CATSPER2: variants seen among roughly 807,000 people sequenced by gnomAD.
The protein encoded by CATSPER2 is cation channel sperm associated 2.
A neutral mutation model predicts 68.8 loss-of-function variants in CATSPER2; 56 were observed. The ratio of observed to expected loss-of-function variants is 0.81; its 90% CI spans 0.66 to 1.02. The LOEUF is 1.02. Ranked by LOEUF, CATSPER2 falls within the 50% of genes least tolerant of loss-of-function variation. CATSPER2 has a pLI of 0.00. For missense variants in CATSPER2, 582 were observed against 642.0 expected, an observed-to-expected ratio of 0.91 and a Z score of 1.01; for synonymous variants, 198 against 229.9, an observed-to-expected ratio of 0.86 and a Z score of 1.26.
chr15:43,645,158 C>T (rs141249576), intron 4 of CATSPER2, among the ~76,000 whole-genome samples: 1,586 of 151,934 alleles, frequency 0.01, 33 homozygotes, highest in African/African-American at 0.036. Flanking sequence ...CAGGCTCAAG[C>T]GATCCTCCCA....
rs769247393 is a variant in CATSPER2, at chr15:43,638,916, T to C, written c.830A>G (p.His277Arg). The C allele has an allele frequency of 6.8e-6, 11 of 1,613,078 alleles. No homozygotes were observed. In the South Asian group the frequency reaches 8.8e-5, roughly 13 times the overall value. The part of the protein sequence containing the change: ...TRSPRQDLEY[H>R]VFFSDLPNSL... ...CAGCTCTGCTTACGAGAAGAACACA[T>C]GGTACTCCAGGTCCTGACGAGGTGA... is the stretch of plus-strand genomic sequence containing the variant. The change falls in exon 7 of 13, where the codon CAT (histidine) becomes CGT (arginine). Residue 277 changes from histidine to arginine, a missense_variant. By Grantham distance (29) the His-to-Arg change is conservative (BLOSUM62 0). This residue lies in a region of CATSPER2 where 91 missense variants were observed against 72.8 expected (regional missense o/e 1.25). Transcript: ENST00000396879.
Position 43,647,937 on chromosome 15 carries a change from T to G in CATSPER2, c.125A>C (p.His42Pro). ...CTGACCAAGTAACTCCCTGATAGTG[T>G]GCCGCGGCACAGCTTGGCTCAAGCC... Reference protein sequence around the residue: ...LQGLSQAVPRHTIRELLDPSR... With the variant: ...LQGLSQAVPRPTIRELLDPSR... Residue 42 changes from histidine (H) to proline (P), a missense_variant, in exon 2 of 13, where the codon CAC becomes CCC. By Grantham distance (77) the His-to-Pro change is moderately conservative (BLOSUM62 -2). This residue lies in a region of CATSPER2 where 197 missense variants were observed against 191.0 expected (regional missense o/e 1.03). Coordinates refer to ENST00000396879, the MANE Select transcript of CATSPER2 (RefSeq NM_172095.4). 6.2e-7 allele frequency: 1 copy of G among 1,613,726 alleles called. No homozygotes were observed. Among genetic ancestry groups the G allele is most frequent in the Non-Finnish European group, 8.5e-7 (1 of 1,179,802 alleles).
At chr15:43,644,878 C>A (rs2086133839) in intron 4 of CATSPER2, among the ~76,000 whole-genome samples, 1 of 151,882 alleles carries the variant, frequency 6.6e-6, no homozygotes, top group Non-Finnish European at 1.5e-5. Flanking sequence ...TAATTCTAGC[C>A]ATGCAAGGCA....
rs538379223 is a variant in CATSPER2 at position 43,631,728 on chromosome 15, C to G, written c.1561+471G>C. On this transcript the variant is annotated intron_variant, in intron 12 of 12. Coordinates refer to ENST00000396879, the MANE Select transcript of CATSPER2 (RefSeq NM_172095.4). The stretch of plus-strand genomic sequence containing the variant: ...TTTAGAATTCATAAACCTCTTTAGG[C>G]AGTTAGGACAGTGAGCACGTGTGGG... 5.8e-4 allele frequency among the ~76,000 whole-genome samples: 88 copies of G among 151,974 alleles called. 2 individuals carry two copies. Among genetic ancestry groups the G allele is most frequent in the African/African-American group, 1.9e-3 (80 of 41,440 alleles).
Position 43,638,882 on chromosome 15 carries a change from A to C in CATSPER2, c.842+22T>G, listed in dbSNP as rs368716853. On this transcript the variant is annotated intron_variant, in intron 7 of 12. Coordinates refer to ENST00000396879, the MANE Select transcript of CATSPER2 (RefSeq NM_172095.4). ...TTAGCCAAATTTTCTCCCCTCACCCAGCTGTCCCCAGCTCTGCTTACGAGA... is the reference window on the plus strand; with the variant it reads ...TTAGCCAAATTTTCTCCCCTCACCCCGCTGTCCCCAGCTCTGCTTACGAGA... The C allele has an allele frequency of 4.3e-6, 7 of 1,612,220 alleles. No individual in the cohort carries two copies. The South Asian group carries it at 5.5e-5, about 13-fold the overall frequency.
At chr15:43,640,130 T>G in intron 5 of CATSPER2, 194 bp downstream of exon 5, 1 of 1,456,424 alleles carries the variant, frequency 6.9e-7, no homozygotes, top group Non-Finnish European at 9.0e-7. Context: ...GCATTGATGT[T>G]GTAGTTAGTC....
intron 4 of CATSPER2, among the ~76,000 whole-genome samples, chr15:43,644,379 T>A (rs566142367): frequency 2.0e-5 from 3 of 152,156 alleles, no homozygotes; most frequent in African/African-American, 7.2e-5. Context: ...TAATTTCTAG[T>A]CTGGCAATCT....
intron 4 of CATSPER2, among the ~76,000 whole-genome samples, chr15:43,641,506 A>T (rs1196707719): frequency 7.1e-6 from 1 of 141,168 alleles, no homozygotes; most frequent in African/African-American, 3.0e-5. Flanking sequence ...GATGTATGCC[A>T]TACCCTTGGA....
chr15:43,647,139 G>A lies in CATSPER2; in HGVS notation c.320-21C>T, dbSNP rs753791775. On this transcript the variant is annotated intron_variant, in intron 3 of 12. Transcript: ENST00000396879. Reference sequence around the variant, plus strand: ...AGGACCTGTTGTCTCTTAAGGAAATGTACAGAGTGGAGTTCTTTCTGATTT... The same window carrying A: ...AGGACCTGTTGTCTCTTAAGGAAATATACAGAGTGGAGTTCTTTCTGATTT... 23 of 1,601,408 alleles carry A rather than the reference G, an allele frequency of 1.4e-5. 2 individuals are homozygous for A. The highest frequency in any genetic ancestry group is 6.7e-5 in the African/African-American group (5 of 74,570).
rs750095453 is a variant in CATSPER2 at position 43,639,800 on chromosome 15, T to C, written c.562-2A>G. On this transcript the variant is annotated splice_acceptor_variant, in intron 5 of 12. Transcript: ENST00000396879. LOFTEE classifies it high-confidence loss of function. Reference sequence around the variant, plus strand: ...TACCACAACCTCGGGAAGCAGGGACTGTGGAAAACACACAGGTTATAAGTA... The same window carrying C: ...TACCACAACCTCGGGAAGCAGGGACCGTGGAAAACACACAGGTTATAAGTA... The C allele has an allele frequency of 1.2e-6, 2 of 1,611,664 alleles. No homozygotes were observed. Among genetic ancestry groups the C allele is most frequent in the Admixed American group, 1.7e-5 (1 of 59,926 alleles).
chr15:43,644,621 G>T lies in CATSPER2; in HGVS notation c.388+2429C>A, dbSNP rs973161750. On this transcript the variant is annotated intron_variant, in intron 4 of 12. Transcript: ENST00000396879. ...CTGAGCTCCACCTCCTGTCAGATCA[G>T]CTGCGGCATTAGATTCTCACAGGAG... 2.8e-4 allele frequency among the ~76,000 whole-genome samples: 43 copies of T among 151,920 alleles called. 1 individual carries two copies. The highest frequency in any genetic ancestry group is 1.0e-3 in the African/African-American group (43 of 41,326).
Position 43,648,006 on chromosome 15 carries a change from C to A in CATSPER2, c.56G>T (p.Arg19Leu), listed in dbSNP as rs371412947. 1 of 1,613,518 alleles carries A rather than the reference C, an allele frequency of 6.2e-7. No individual in the cohort carries two copies. Among genetic ancestry groups the A allele is most frequent in the Non-Finnish European group, 8.5e-7 (1 of 1,179,754 alleles). ...AGAGAAAGTATCGATGAGACGTGAA[C>A]GAATGGCATCAGCTCGGGGAAGCTG... ...QMQLPRADAIRSRLIDTFSLI... is the reference protein window; with the variant it reads ...QMQLPRADAILSRLIDTFSLI... The change falls in exon 2 of 13, where the codon CGT becomes CTT. Residue 19 changes from arginine (R) to leucine (L), a missense_variant. Transcript: ENST00000396879.
chr15:43,645,110 G>A (rs1282236953), intron 4 of CATSPER2, among the ~76,000 whole-genome samples: 2 of 151,802 alleles, frequency 1.3e-5, no homozygotes, highest in African/African-American at 2.4e-5. Context: ...CTAGGCTGGA[G>A]TTCCGTTGCA....
intron 6 of CATSPER2, 98 bp downstream of exon 6, chr15:43,639,545 G>T: frequency 6.3e-7 from 1 of 1,592,608 alleles, no homozygotes; most frequent in Non-Finnish European, 8.6e-7. Context: ...GATTACAGGC[G>T]TGAGCCACCG....
At chr15:43,645,055 T>C (rs899036594) in intron 4 of CATSPER2, among the ~76,000 whole-genome samples, 1 of 151,894 alleles carries the variant, frequency 6.6e-6, no homozygotes, top group African/African-American at 2.4e-5. Context: ...CTGACTGCAG[T>C]AAAGGACTAT....
chr15:43,643,026 T>C (rs531996783), intron 4 of CATSPER2: 1 of 152,184 alleles, frequency 6.6e-6, no homozygotes, highest in East Asian at 1.9e-4. Flanking sequence ...TATGCTTCAA[T>C]ATTCTTCTCA....
At chr15:43,630,859 C>T (rs1039956360) in intron 12 of CATSPER2, 127 bp from the exon 13 acceptor site, 4 of 1,577,026 alleles carry the variant, frequency 2.5e-6, no homozygotes, top group African/African-American at 1.4e-5. Flanking sequence ...TTAAATTAAG[C>T]CATATGATTC....
chr15:43,641,455 T>A (rs1490074166), intron 4 of CATSPER2, among the ~76,000 whole-genome samples: 1 of 151,810 alleles, frequency 6.6e-6, no homozygotes, highest in East Asian at 1.9e-4. Context: ...ATTCATTGCC[T>A]TTCTCTTTCA....
At chr15:43,637,675 A>T (rs2085987742) in intron 7 of CATSPER2, 1 of 151,958 alleles carries the variant, frequency 6.6e-6, no homozygotes, top group Non-Finnish European at 1.5e-5. Context: ...ATCCTTGCAC[A>T]AGGGCCATGC....
Sources: gnomAD v4.1 joint callset for allele counts (sites outside exome capture counted in the v4.1 genomes callset) on GRCh38, gnomAD v4.1.1 for gene constraint, gnomAD v4.1.1 regional missense constraint, MANE v1.5 for transcripts, NCBI Gene and HGNC (gene_info 2026-07-23, HGNC 2026-07-21) for gene names.